Variants in DPP10 observed in about 807,000 individuals in gnomAD.
DPP10 encodes the protein dipeptidyl peptidase like 10.
DPP10 carries 33 observed loss-of-function variants against 120.9 expected under a neutral mutation model. The ratio of observed to expected loss-of-function variants is 0.27; its 90% CI spans 0.21 to 0.37. The LOEUF is 0.37. Ranked by LOEUF, DPP10 falls within the 10% of genes least tolerant of loss-of-function variation. The pLI is 1.00. For synonymous variants in DPP10, 337 were observed against 326.1 expected, an observed-to-expected ratio of 1.03 and a Z score of -0.36; for missense variants, 816 against 942.8, an observed-to-expected ratio of 0.87 and a Z score of 1.76.
Position 115,377,018 on chromosome 2 carries a change from G to A in DPP10, c.271+33106G>A, listed in dbSNP as rs2065862350. ...ATAATGCCACAATAAACATACATGT[G>A]CATGTGTCTTTATAGCAGCATGATT... On this transcript the variant is annotated intron_variant, in intron 3 of 25. Coordinates refer to ENST00000410059, the MANE Select transcript of DPP10 (RefSeq NM_020868.6). Among the ~76,000 whole-genome samples, 3 of 150,882 alleles carry A rather than the reference G, an allele frequency of 2.0e-5. No individual in the cohort carries two copies. In the South Asian group the frequency reaches 6.3e-4, roughly 32 times the overall value.
chr2:114,723,362 A>C (rs991858926), intron 1 of DPP10, among the ~76,000 whole-genome samples: 7 of 152,244 alleles, frequency 4.6e-5, no homozygotes, highest in Non-Finnish European at 2.9e-5. Context: ...GTTAAGAGAC[A>C]GGCTCCAGCA....
chr2:115,728,046 T>C (rs1329120262), intron 8 of DPP10, 110 bp downstream of exon 8: 1 of 1,267,320 alleles, frequency 7.9e-7, no homozygotes, highest in Non-Finnish European at 1.1e-6. Flanking sequence ...CAGTTTCTTC[T>C]CATTTTCTCT....
At chr2:115,044,795 A>C (rs1250957616) in intron 1 of DPP10, among the ~76,000 whole-genome samples, 1 of 152,162 alleles carries the variant, frequency 6.6e-6, no homozygotes, top group East Asian at 1.9e-4. Context: ...ATGTCTGATA[A>C]CTATCATTCT....
chr2:114,975,374 C>T (rs1337352423), intron 1 of DPP10, among the ~76,000 whole-genome samples: 2 of 152,022 alleles, frequency 1.3e-5, no homozygotes, highest in Admixed American at 6.6e-5. Context: ...ATTTTGCAAA[C>T]ATTTTAAATG....
intron 1 of DPP10, among the ~76,000 whole-genome samples, chr2:114,801,957 C>G (rs116214107): frequency 6.6e-6 from 1 of 152,102 alleles, no homozygotes; most frequent in Non-Finnish European, 1.5e-5. Context: ...CCTTGCTGTG[C>G]GAACAGAGAA....
At chr2:115,156,231 G>A (rs1291152543) in intron 1 of DPP10, among the ~76,000 whole-genome samples, 1 of 152,214 alleles carries the variant, frequency 6.6e-6, no homozygotes, top group Non-Finnish European at 1.5e-5. Flanking sequence ...ATAATCACCT[G>A]ACTCTGCATG....
intron 3 of DPP10, among the ~76,000 whole-genome samples, chr2:115,354,178 G>A (rs997926443): frequency 6.6e-6 from 1 of 152,060 alleles, no homozygotes; most frequent in African/African-American, 2.4e-5. Flanking sequence ...TTTTATTTTA[G>A]ATTCAGGGGT....
At chr2:115,017,745 A>G (rs1702758194) in intron 1 of DPP10, among the ~76,000 whole-genome samples, 1 of 152,004 alleles carries the variant, frequency 6.6e-6, no homozygotes, top group Non-Finnish European at 1.5e-5. Flanking sequence ...TCAGCAAACT[A>G]TCGCAAGGAC....
intron 25 of DPP10, among the ~76,000 whole-genome samples, chr2:115,841,815 A>G (rs575900944): frequency 1.3e-5 from 2 of 152,344 alleles, no homozygotes; most frequent in East Asian, 3.9e-4. Flanking sequence ...TGCAAAGGAG[A>G]CAAAGACTGA....
chr2:115,072,926 G>A (rs2104451799), intron 1 of DPP10, among the ~76,000 whole-genome samples: 1 of 152,080 alleles, frequency 6.6e-6, no homozygotes, highest in African/African-American at 2.4e-5. Context: ...GGGTTTACAG[G>A]TGCCCACCAC....
At chr2:114,869,093 G>T (rs1690470959) in intron 1 of DPP10, among the ~76,000 whole-genome samples, 1 of 152,028 alleles carries the variant, frequency 6.6e-6, no homozygotes, top group Admixed American at 6.6e-5. Context: ...ATTTAAGAAG[G>T]ATTATCAATT....
intron 1 of DPP10, among the ~76,000 whole-genome samples, chr2:114,837,928 A>G (rs1274244899): frequency 6.6e-6 from 1 of 152,248 alleles, no homozygotes; most frequent in Non-Finnish European, 1.5e-5. Context: ...TCAGAGTAGA[A>G]TAAGCTATGC....
chr2:115,760,488 C>G (rs752059911), intron 11 of DPP10, among the ~76,000 whole-genome samples: 8 of 152,156 alleles, frequency 5.3e-5, no homozygotes, highest in Admixed American at 1.3e-4. Context: ...ATGGGATAAA[C>G]TTGTCAAACT....
At chr2:115,717,618 G>A (rs1165803705) in intron 7 of DPP10, among the ~76,000 whole-genome samples, 1 of 152,044 alleles carries the variant, frequency 6.6e-6, no homozygotes, top group Non-Finnish European at 1.5e-5. Context: ...ATATATGTAT[G>A]TATATAAGTT....
intron 1 of DPP10, among the ~76,000 whole-genome samples, chr2:115,004,061 C>T (rs1433232706): frequency 2.0e-5 from 3 of 152,220 alleles, no homozygotes; most frequent in Admixed American, 6.5e-5. Flanking sequence ...AACTGCACTT[C>T]GTATCGAAGG....
chr2:115,341,122 T>A (rs939882503), intron 2 of DPP10, among the ~76,000 whole-genome samples: 3 of 152,186 alleles, frequency 2.0e-5, no homozygotes, highest in Admixed American at 2.0e-4. Context: ...GGAAGCTGAA[T>A]TCTGGAATTA....
intron 1 of DPP10, among the ~76,000 whole-genome samples, chr2:115,068,975 A>G (rs1174270256): frequency 2.0e-5 from 3 of 152,060 alleles, no homozygotes; most frequent in Non-Finnish European, 4.4e-5. Context: ...GCTTTGTAGT[A>G]TATTTCAACA....
chr2:115,366,932 A>G (rs1197762479), intron 3 of DPP10, among the ~76,000 whole-genome samples: 9 of 152,082 alleles, frequency 5.9e-5, no homozygotes. Context: ...GTCATGCCCA[A>G]GACAAAACTC....
Position 114,908,394 on chromosome 2 carries a change from T to C in DPP10, c.61-400845T>C, listed in dbSNP as rs527796943. 1.8e-4 allele frequency among the ~76,000 whole-genome samples: 28 copies of C among 152,068 alleles called. 1 individual carries two copies. The South Asian group carries it at 5.4e-3, about 29-fold the overall frequency. On this transcript the variant is annotated intron_variant, in intron 1 of 25. Coordinates refer to ENST00000410059, the MANE Select transcript of DPP10 (RefSeq NM_020868.6). ...CTCTTTTTGTTTCTCTGTTCCCCCA[T>C]ACTATTTTTTCATTTAATAAACATT...
Sources: allele counts gnomAD v4.1 joint callset (sites outside exome capture counted in the v4.1 genomes callset), GRCh38; gene constraint gnomAD v4.1.1; transcripts MANE v1.5; gene names NCBI Gene and HGNC (gene_info 2026-07-23, HGNC 2026-07-21).